SLC9D1: variants seen among roughly 807,000 people sequenced by gnomAD.
The protein encoded by SLC9D1 is solute carrier family 9 member D1.
At chr13:113,549,426 T>A in the SLC9D1 span, 13 of 1,613,682 alleles carry the variant, frequency 8.1e-6, no homozygotes, top group Admixed American at 2.2e-4. Context: ...CTGTTGCAGG[T>A]GTACCTCCTT....
At chr13:113,492,168 G>A in the SLC9D1 span, among the ~76,000 whole-genome samples, 1 of 152,090 alleles carries the variant, frequency 6.6e-6, no homozygotes, top group East Asian at 1.9e-4. Flanking sequence ...TAGAGACAGG[G>A]TCTTGCTGTG....
chr13:113,544,157 A>G, the SLC9D1 span, among the ~76,000 whole-genome samples: 1 of 152,246 alleles, frequency 6.6e-6, no homozygotes, highest in South Asian at 2.1e-4. Context: ...ACTCCTCTGC[A>G]GGTCAGCCAC....
chr13:113,543,154 C>A, the SLC9D1 span, among the ~76,000 whole-genome samples: 1 of 78,882 alleles, frequency 1.3e-5, no homozygotes, highest in Admixed American at 1.4e-4. Context: ...CCGTGCCCCC[C>A]GCCCTACCTC....
the SLC9D1 span, among the ~76,000 whole-genome samples, chr13:113,544,743 G>A: frequency 1.4e-4 from 22 of 152,324 alleles, no homozygotes; most frequent in Non-Finnish European, 2.6e-4. Context: ...TGGCCTGCGC[G>A]GAGAGATTAG....
the SLC9D1 span, among the ~76,000 whole-genome samples, chr13:113,516,575 A>G: frequency 4.7e-5 from 7 of 149,986 alleles, no homozygotes; most frequent in East Asian, 2.0e-4. Flanking sequence ...CAAAAAAAAA[A>G]AAAAGAAAAG....
chr13:113,513,956 C>G, the SLC9D1 span, among the ~76,000 whole-genome samples: 1 of 152,150 alleles, frequency 6.6e-6, no homozygotes, highest in Admixed American at 6.5e-5. Context: ...GCCGGGGGGT[C>G]GGGGCCCACA....
the SLC9D1 span, chr13:113,510,556 G>A: frequency 2.5e-6 from 2 of 788,722 alleles, no homozygotes; most frequent in South Asian, 1.9e-5. Context: ...TCCTAACCAT[G>A]GTGGATACCA....
chr13:113,543,067 C>T, the SLC9D1 span, among the ~76,000 whole-genome samples: 1 of 120,008 alleles, frequency 8.3e-6, no homozygotes, highest in Admixed American at 8.9e-5. Context: ...CTCCCCCTGC[C>T]TCCCGCCCTA....
the SLC9D1 span, chr13:113,504,446 T>C: frequency 4.6e-5 from 7 of 152,370 alleles, no homozygotes; most frequent in East Asian, 1.3e-3. Flanking sequence ...ACCAGAGCAG[T>C]GTACACTGCT....
chr13:113,491,996 T>A, the SLC9D1 span, among the ~76,000 whole-genome samples: 1 of 152,286 alleles, frequency 6.6e-6, no homozygotes, highest in Non-Finnish European at 1.5e-5. Flanking sequence ...AGGCTTGACT[T>A]AAATATTCTA....
chr13:113,526,672 T>C, the SLC9D1 span, among the ~76,000 whole-genome samples: 1 of 152,218 alleles, frequency 6.6e-6, no homozygotes, highest in Non-Finnish European at 1.5e-5. Context: ...TGAGCTGTGA[T>C]CATACCGCTG....
chr13:113,507,907 A>G, the SLC9D1 span, among the ~76,000 whole-genome samples: 1 of 152,218 alleles, frequency 6.6e-6, no homozygotes, highest in Admixed American at 6.5e-5. Flanking sequence ...GGGGGTGCCA[A>G]GGGGCCCTCC....
At chr13:113,533,669 C>G in the SLC9D1 span, among the ~76,000 whole-genome samples, 1 of 152,192 alleles carries the variant, frequency 6.6e-6, no homozygotes, top group Non-Finnish European at 1.5e-5. Context: ...GTCCATCAGG[C>G]GACTGCGGTG....
chr13:113,519,052 T>C, the SLC9D1 span, among the ~76,000 whole-genome samples: 1 of 151,834 alleles, frequency 6.6e-6, no homozygotes, highest in Non-Finnish European at 1.5e-5. Context: ...AGCTTTTTTT[T>C]TTTTTTTTGA....
At chr13:113,492,398 C>T in the SLC9D1 span, among the ~76,000 whole-genome samples, 1 of 152,218 alleles carries the variant, frequency 6.6e-6, no homozygotes, top group Admixed American at 6.5e-5. Flanking sequence ...TGCCTTTGCC[C>T]TGTTTTCTCC....
chr13:113,540,251 A>G, the SLC9D1 span, among the ~76,000 whole-genome samples: 24,928 of 152,174 alleles, frequency 0.16, 2,312 homozygotes, highest in Admixed American at 0.27. Flanking sequence ...TTTGGGCGCA[A>G]ACTCAGCAGT....
the SLC9D1 span, among the ~76,000 whole-genome samples, chr13:113,544,942 C>T: frequency 6.6e-6 from 1 of 152,238 alleles, no homozygotes; most frequent in Admixed American, 6.5e-5. Flanking sequence ...CTGCCCAGCT[C>T]CCTAATTCCT....
chr13:113,517,353 C>T, the SLC9D1 span, among the ~76,000 whole-genome samples: 4 of 152,280 alleles, frequency 2.6e-5, no homozygotes, highest in African/African-American at 9.6e-5. Flanking sequence ...CTGCCTCAGC[C>T]TCCCGAGTAG....
chr13:113,492,556 T>C, the SLC9D1 span, among the ~76,000 whole-genome samples: 1 of 152,244 alleles, frequency 6.6e-6, no homozygotes, highest in Non-Finnish European at 1.5e-5. Context: ...AGATTTTTTT[T>C]CACTCAGCCT....
Sources: allele counts gnomAD v4.1 joint callset (sites outside exome capture counted in the v4.1 genomes callset), GRCh38; gene constraint gnomAD v4.1.1; transcripts MANE v1.5; gene names NCBI Gene and HGNC (gene_info 2026-07-23, HGNC 2026-07-21).